LUZP2: variants seen among roughly 807,000 people sequenced by gnomAD.
LUZP2 encodes the protein leucine zipper protein 2.
LUZP2 carries 52 observed loss-of-function variants against 51.6 expected under a neutral mutation model. The observed-to-expected ratio is 1.01, with a 90% CI of 0.81 to 1.27. LUZP2 has a LOEUF of 1.27. Ranked by LOEUF, LUZP2 falls within the 50% of genes most tolerant of loss-of-function variation. The pLI is 0.00. For missense variants in LUZP2, 436 were observed against 395.4 expected (o/e 1.10, Z -0.87); for synonymous variants, 154 against 137.3 (o/e 1.12, Z -0.85).
At chr11:24,992,561 T>C (rs1176159468) in intron 9 of LUZP2, among the ~76,000 whole-genome samples, 2 of 152,082 alleles carry the variant, frequency 1.3e-5, no homozygotes, top group African/African-American at 2.4e-5. Flanking sequence ...CAAAACAATG[T>C]GATATACAGA....
chr11:24,522,813 A>G (rs1850685772), intron 1 of LUZP2, among the ~76,000 whole-genome samples: 1 of 152,150 alleles, frequency 6.6e-6, no homozygotes, highest in African/African-American at 2.4e-5. Flanking sequence ...AAAGATTTAC[A>G]TAGTAAATAT....
chr11:24,923,230 G>A (rs1387351801), intron 7 of LUZP2, among the ~76,000 whole-genome samples: 1 of 151,830 alleles, frequency 6.6e-6, no homozygotes, highest in Non-Finnish European at 1.5e-5. Context: ...GTATTTTAAG[G>A]TGATTTACAG....
intron 7 of LUZP2, among the ~76,000 whole-genome samples, chr11:24,923,110 A>T (rs1163423372): frequency 6.6e-6 from 1 of 151,860 alleles, no homozygotes; most frequent in Non-Finnish European, 1.5e-5. Flanking sequence ...GGCCTCCCAA[A>T]GTTCTGGGAT....
intron 1 of LUZP2, among the ~76,000 whole-genome samples, chr11:24,714,010 TA>T (rs1197531777): frequency 6.6e-6 from 1 of 151,428 alleles, no homozygotes; most frequent in Non-Finnish European, 1.5e-5. Context: ...CTGTCTTTTT[TA>T]AAAAAAGAAG....
At chr11:24,646,695 T>A in intron 1 of LUZP2, 1 of 637,870 alleles carries the variant, frequency 1.6e-6, no homozygotes, top group Non-Finnish European at 2.0e-6. Flanking sequence ...GTTGCTGATG[T>A]CTCATTGGCC....
chr11:24,650,609 T>C (rs995042514), intron 1 of LUZP2, among the ~76,000 whole-genome samples: 1 of 152,094 alleles, frequency 6.6e-6, no homozygotes. Context: ...AGAATGATAA[T>C]GAACACTCAC....
At chr11:24,797,138 A>G (rs1849569561) in intron 5 of LUZP2, among the ~76,000 whole-genome samples, 1 of 152,186 alleles carries the variant, frequency 6.6e-6, no homozygotes, top group Non-Finnish European at 1.5e-5. Context: ...AATTAAATGA[A>G]TTAATATGTA....
At chr11:24,504,070 T>C (rs1011617170) in intron 1 of LUZP2, among the ~76,000 whole-genome samples, 1 of 152,160 alleles carries the variant, frequency 6.6e-6, no homozygotes, top group African/African-American at 2.4e-5. Context: ...TTGCACACCA[T>C]TTACCTCCCA....
chr11:24,688,443 C>T (rs1406108692), intron 1 of LUZP2, among the ~76,000 whole-genome samples: 1 of 152,034 alleles, frequency 6.6e-6, no homozygotes, highest in Non-Finnish European at 1.5e-5. Flanking sequence ...TTATTCTGTG[C>T]CTCTCCTGAA....
At chr11:24,540,361 G>A (rs1277101479) in intron 1 of LUZP2, among the ~76,000 whole-genome samples, 2 of 152,034 alleles carry the variant, frequency 1.3e-5, no homozygotes, top group Non-Finnish European at 2.9e-5. Flanking sequence ...AGGCAATTAG[G>A]GTTAGATAAG....
intron 1 of LUZP2, among the ~76,000 whole-genome samples, chr11:24,504,839 C>A (rs372143888): frequency 1.3e-5 from 2 of 152,136 alleles, no homozygotes; most frequent in South Asian, 2.1e-4. Context: ...GGGGAACTAA[C>A]CCAATGAATG....
At chr11:24,547,039 T>C (rs1044899551) in intron 1 of LUZP2, among the ~76,000 whole-genome samples, 9 of 151,860 alleles carry the variant, frequency 5.9e-5, no homozygotes, top group African/African-American at 1.9e-4. Flanking sequence ...GAACTCATCA[T>C]TGGTCTGTTC....
chr11:24,666,194 G>A (rs1856207133), intron 1 of LUZP2, among the ~76,000 whole-genome samples: 2 of 152,068 alleles, frequency 1.3e-5, no homozygotes, highest in Admixed American at 6.6e-5. Context: ...AGGAGCTGGG[G>A]CAATATATTA....
intron 7 of LUZP2, among the ~76,000 whole-genome samples, chr11:24,957,586 A>G (rs1171699358): frequency 2.6e-5 from 4 of 152,100 alleles, no homozygotes; most frequent in Non-Finnish European, 5.9e-5. Context: ...TATAAGTGAG[A>G]ACGTGTGGTA....
At position 24,691,476 on chromosome 11, in the gene LUZP2, G is replaced by GTT. The variant is rs5790429; in HGVS notation, c.63-37681_63-37680dup. 5.4e-3 allele frequency among the ~76,000 whole-genome samples: 742 copies of GTT among 136,508 alleles called. 3 individuals are homozygous for GTT. The highest frequency in any genetic ancestry group is 0.018 in the African/African-American group (658 of 36,732). The allele number at this position is 136,508 out of a possible 152,430, so 89.6% of individuals were successfully genotyped here. On this transcript the variant is annotated intron_variant, in intron 1 of 11. Coordinates refer to ENST00000336930, the MANE Select transcript of LUZP2 (RefSeq NM_001009909.4). ...AATACCCATTTTTCCCTCATATTCT[G>GTT]TTTTTTTTTTTTTCAAAGTAACCCC...
chr11:24,576,059 A>T lies in LUZP2; in HGVS notation c.62+78754A>T, dbSNP rs184714667. Among the ~76,000 whole-genome samples the T allele has an allele frequency of 1.2e-3, 181 of 152,286 alleles. 2 individuals carry two copies. Among genetic ancestry groups the T allele is most frequent in the Admixed American group, 1.0e-3 (16 of 15,282 alleles). On this transcript the variant is annotated intron_variant, in intron 1 of 11. Transcript: ENST00000336930. ...ATTGAATCAATGAATGAAGTAAAGG[A>T]ACCTATACTCCTATACTTTACCTAA...
intron 1 of LUZP2, among the ~76,000 whole-genome samples, chr11:24,502,891 A>G (rs961858136): frequency 6.6e-6 from 1 of 152,252 alleles, no homozygotes. Flanking sequence ...GGAAGTTTTC[A>G]AACTATATAG....
chr11:24,601,503 T>A (rs879272885), intron 1 of LUZP2, among the ~76,000 whole-genome samples: 6 of 151,912 alleles, frequency 3.9e-5, no homozygotes, highest in East Asian at 1.9e-4. Context: ...CTTTACCAGC[T>A]TTCTTAATAG....
At chr11:24,972,139 GAAAAAAA>G (rs10701148) in intron 7 of LUZP2, among the ~76,000 whole-genome samples, 1 of 32,794 alleles carries the variant, frequency 3.0e-5, no homozygotes, top group African/African-American at 1.2e-4. Flanking sequence ...GTGAGACTCC[GAAAAAAA>G]AAAAAAAAAA....
Sources: gnomAD v4.1 joint callset for allele counts (sites outside exome capture counted in the v4.1 genomes callset) on GRCh38, gnomAD v4.1.1 for gene constraint, MANE v1.5 for transcripts, NCBI Gene and HGNC (gene_info 2026-07-23, HGNC 2026-07-21) for gene names.